The following PCDH7 variants were observed in gnomAD, a reference collection of about 807,000 sequenced individuals.
The protein encoded by PCDH7 is protocadherin-7.
Under a neutral mutation model 58.9 loss-of-function variants are expected in PCDH7, and 17 were observed. The observed-to-expected ratio is 0.29, with a 90% CI of 0.20 to 0.43. The LOEUF (loss-of-function observed/expected upper bound fraction) is 0.43. Among genes scored for constraint, PCDH7 ranks in the 20% least tolerant of loss-of-function variants. The pLI, the probability that PCDH7 is intolerant of heterozygous loss-of-function variation, is 1.00. For missense variants in PCDH7, 1,274 were observed against 1,441.0 expected, an observed-to-expected ratio of 0.88 and a Z score of 1.88; for synonymous variants, 664 against 616.4, an observed-to-expected ratio of 1.08 and a Z score of -1.14.
chr4:31,081,188 T>C (rs1233550617), intron 3 of PCDH7, among the ~76,000 whole-genome samples: 1 of 152,234 alleles, frequency 6.6e-6, no homozygotes, highest in Non-Finnish European at 1.5e-5. Context: ...ATTTAAAATA[T>C]GCATTCATAG....
At chr4:31,124,353 A>C (rs1718040242) in intron 3 of PCDH7, among the ~76,000 whole-genome samples, 1 of 152,222 alleles carries the variant, frequency 6.6e-6, no homozygotes, top group Admixed American at 6.5e-5. Flanking sequence ...CACTTGCTAA[A>C]GAACATAGTT....
intron 3 of PCDH7, among the ~76,000 whole-genome samples, chr4:31,111,835 C>T (rs1205405130): frequency 6.6e-6 from 1 of 152,132 alleles, no homozygotes; most frequent in Non-Finnish European, 1.5e-5. Flanking sequence ...CTGTTAGTAT[C>T]AACTTTACTT....
intron 1 of PCDH7, among the ~76,000 whole-genome samples, chr4:30,876,615 A>T (rs962351351): frequency 2.0e-5 from 3 of 152,032 alleles, no homozygotes; most frequent in Non-Finnish European, 4.4e-5. Context: ...AATACTTTAG[A>T]CCTCAGGGAA....
At chr4:30,916,856 T>C (rs1205284342) in intron 1 of PCDH7, among the ~76,000 whole-genome samples, 2 of 152,202 alleles carry the variant, frequency 1.3e-5, no homozygotes, top group African/African-American at 4.8e-5. Context: ...AAACTCCCGA[T>C]CTCTGAGTCC....
intron 1 of PCDH7, among the ~76,000 whole-genome samples, chr4:30,829,829 G>A (rs1404650785): frequency 6.6e-6 from 1 of 151,994 alleles, no homozygotes; most frequent in East Asian, 1.9e-4. Context: ...AAAATAGAAG[G>A]GGGATGGAGA....
chr4:30,894,506 TATATATATATACACACACACACACACAC>T (rs1739088561), intron 1 of PCDH7, among the ~76,000 whole-genome samples: 4 of 50,334 alleles, frequency 7.9e-5, no homozygotes, highest in African/African-American at 4.6e-4. Context: ...TATATATATA[TATATATATATACACACACACACACACAC>T]ACACACACAC....
chr4:30,914,259 G>A (rs560176114), intron 1 of PCDH7, among the ~76,000 whole-genome samples: 2 of 152,160 alleles, frequency 1.3e-5, no homozygotes, highest in Non-Finnish European at 1.5e-5. Context: ...GGAGAATGAT[G>A]GTACGTACAA....
At chr4:30,775,761 G>C (rs1721979101) in intron 1 of PCDH7, among the ~76,000 whole-genome samples, 1 of 152,106 alleles carries the variant, frequency 6.6e-6, no homozygotes, top group African/African-American at 2.4e-5. Flanking sequence ...GCCAGGCATG[G>C]TGACGCGTAT....
At chr4:30,887,398 A>G (rs1236553337) in intron 1 of PCDH7, among the ~76,000 whole-genome samples, 1 of 152,106 alleles carries the variant, frequency 6.6e-6, no homozygotes, top group Non-Finnish European at 1.5e-5. Flanking sequence ...CACTTGAAAC[A>G]TCTTTATATC....
chr4:30,747,696 T>C (rs1024105892), intron 1 of PCDH7, among the ~76,000 whole-genome samples: 3 of 152,244 alleles, frequency 2.0e-5, no homozygotes, highest in Non-Finnish European at 4.4e-5. Context: ...TTTATTTGTT[T>C]AGAAACTTTA....
At chr4:31,038,873 A>G (rs1032145827) in intron 3 of PCDH7, among the ~76,000 whole-genome samples, 2 of 152,156 alleles carry the variant, frequency 1.3e-5, no homozygotes, top group African/African-American at 4.8e-5. Context: ...TAAAAGTTCC[A>G]GTCCACATAA....
chr4:30,805,269 C>T (rs1726037183), intron 1 of PCDH7, among the ~76,000 whole-genome samples: 1 of 152,030 alleles, frequency 6.6e-6, no homozygotes, highest in Admixed American at 6.5e-5. Context: ...ACCTGTCTTT[C>T]CTAAAGGTGA....
intron 1 of PCDH7, among the ~76,000 whole-genome samples, chr4:30,827,460 T>C (rs1038539537): frequency 3.7e-4 from 56 of 152,166 alleles, no homozygotes; most frequent in African/African-American, 1.3e-3. Flanking sequence ...TCAGTGCATG[T>C]TTTTAGAAAT....
Position 30,723,609 on chromosome 4 carries a change from G to A in PCDH7, c.2187G>A (p.Ser729=), listed in dbSNP as rs758865108. ...CCAGATCTGCCACAGCTACAGTCTC[G>A]CTTTTTGTGATGGATGAAAATGACA... The change falls in exon 1 of 2, where the codon TCG becomes TCA. Residue 729 remains serine (S), a synonymous_variant. Transcript: ENST00000361762. The surrounding 1 kb of genome is among the most constrained non-coding windows in gnomAD (Gnocchi z 4.6). 9 of 1,614,018 alleles carry A rather than the reference G, an allele frequency of 5.6e-6. No individual in the cohort carries two copies. The highest frequency in any genetic ancestry group is 3.3e-5 in the South Asian group (3 of 91,086).
At chr4:30,945,833 G>A (rs1335192719) in intron 2 of PCDH7, among the ~76,000 whole-genome samples, 1 of 152,104 alleles carries the variant, frequency 6.6e-6, no homozygotes, top group Non-Finnish European at 1.5e-5. Context: ...CAATCCTGCC[G>A]CCACCCAAGG....
intron 1 of PCDH7, among the ~76,000 whole-genome samples, chr4:30,910,568 C>T (rs1007836858): frequency 6.6e-6 from 1 of 152,176 alleles, no homozygotes; most frequent in African/African-American, 2.4e-5. Context: ...AGCCCATCAT[C>T]ACCAGTCATC....
intron 3 of PCDH7, among the ~76,000 whole-genome samples, chr4:30,952,590 T>A (rs949706389): frequency 1.1e-4 from 16 of 151,858 alleles, no homozygotes; most frequent in Admixed American, 7.2e-4. Context: ...GTTAAAAGAA[T>A]ATGAATTAAA....
At chr4:30,924,390 A>G (rs148430725) in intron 2 of PCDH7, among the ~76,000 whole-genome samples, 53 of 152,092 alleles carry the variant, frequency 3.5e-4, no homozygotes, top group Non-Finnish European at 6.2e-4. Context: ...CTTACATTCA[A>G]TTTTTCTTGT....
intron 3 of PCDH7, among the ~76,000 whole-genome samples, chr4:31,101,080 GTTGA>G (rs1320374589): frequency 6.6e-6 from 1 of 151,954 alleles, no homozygotes; most frequent in Admixed American, 6.6e-5. Context: ...CTGCTTCTCT[GTTGA>G]TTATTACCAG....
Sources: allele counts gnomAD v4.1 joint callset (sites outside exome capture counted in the v4.1 genomes callset), GRCh38; gene constraint gnomAD v4.1.1; non-coding constraint Gnocchi (gnomAD v3.1); transcripts MANE v1.5; gene names NCBI Gene and HGNC (gene_info 2026-07-23, HGNC 2026-07-21).